The following PRDM15 variants were observed in gnomAD, a reference collection of about 807,000 sequenced individuals.
The protein encoded by PRDM15 is PR/SET domain 15, also known as PR domain zinc finger protein 15.
Under a neutral mutation model 128.6 loss-of-function variants are expected in PRDM15, and 64 were observed. The ratio of observed to expected loss-of-function variants is 0.50; its 90% CI spans 0.41 to 0.61. The LOEUF (loss-of-function observed/expected upper bound fraction) is 0.61. PRDM15 is among the 20% of genes least tolerant of loss of function. PRDM15 has a pLI of 0.00. For synonymous variants in PRDM15, 615 were observed against 621.8 expected, an observed-to-expected ratio of 0.99 and a Z score of 0.16; for missense variants, 1,242 against 1,569.1, an observed-to-expected ratio of 0.79 and a Z score of 3.52.
chr21:41,801,220 C>G lies in PRDM15; in HGVS notation c.*20G>C, dbSNP rs544583763. 1 of 1,508,032 alleles carries G rather than the reference C, an allele frequency of 6.6e-7. No homozygotes were observed. Among genetic ancestry groups the G allele is most frequent in the Non-Finnish European group, 8.8e-7 (1 of 1,133,044 alleles). 93.4% of individuals were successfully genotyped at this position (1,508,032 alleles called of 1,614,324 possible). On this transcript the variant is annotated 3_prime_UTR_variant, in exon 24 of 24. Coordinates refer to ENST00000398548, the MANE Select transcript of PRDM15 (RefSeq NM_001040424.3). ...AAACATCCCTCTGCAGTTCTTGCCC[C>G]GAGTCTCCCGGAACGCAGCTCAGTA...
At chr21:41,804,788 G>A in intron 21 of PRDM15, 174 bp from the exon 22 acceptor site, 4 of 537,854 alleles carry the variant, frequency 7.4e-6, no homozygotes, top group East Asian at 3.4e-5. Flanking sequence ...TCTGTGTCCA[G>A]AAGCCCAGGG....
chr21:41,836,701 A>G, intron 8 of PRDM15, 52 bp from the exon 9 acceptor site: 3 of 1,510,002 alleles, frequency 2.0e-6, no homozygotes, highest in Non-Finnish European at 1.8e-6. Context: ...AAAAAGTTCC[A>G]GGTTACAAGC....
chr21:41,824,922 G>A (rs1337643985), intron 13 of PRDM15, among the ~76,000 whole-genome samples: 1 of 152,280 alleles, frequency 6.6e-6, no homozygotes, highest in Non-Finnish European at 1.5e-5. Context: ...CGGGGACGGT[G>A]ACAGCGGGCC....
At chr21:41,830,514 C>A (rs2062650658) in intron 11 of PRDM15, among the ~76,000 whole-genome samples, 1 of 151,270 alleles carries the variant, frequency 6.6e-6, no homozygotes, top group Non-Finnish European at 1.5e-5. Context: ...ATACNCCACA[C>A]CAAATACACA....
chr21:41,830,479 ACT>A (rs1290261257), intron 11 of PRDM15, among the ~76,000 whole-genome samples: 1 of 151,558 alleles, frequency 6.6e-6, no homozygotes, highest in East Asian at 1.9e-4. Context: ...CCACACACAC[ACT>A]GAACACATAC....
chr21:41,808,538 G>A (rs933464303), intron 21 of PRDM15, among the ~76,000 whole-genome samples: 9 of 152,214 alleles, frequency 5.9e-5, no homozygotes, highest in African/African-American at 2.2e-4. Flanking sequence ...AATTCCAAAA[G>A]GAAGTCACTT....
In PRDM15 at chr21:41,800,607, G is replaced by A. The variant is rs1168900220; in HGVS notation, c.*633C>T. Reference sequence around the variant, plus strand: ...TGACCTCACGTGACCCCTTGCACATGATGACCGTGATGACCTCGAAGGTTG... The same window carrying A: ...TGACCTCACGTGACCCCTTGCACATAATGACCGTGATGACCTCGAAGGTTG... On this transcript the variant is annotated 3_prime_UTR_variant, in exon 24 of 24. Coordinates refer to ENST00000398548, the MANE Select transcript of PRDM15 (RefSeq NM_001040424.3). 6.6e-6 allele frequency: 1 copy of A among 152,186 alleles called. No individual in the cohort carries two copies. Among genetic ancestry groups the A allele is most frequent in the Non-Finnish European group, 1.5e-5 (1 of 68,042 alleles). 9.4% of individuals were successfully genotyped at this position (152,186 alleles called of 1,614,324 possible).
At chr21:41,806,042 C>T (rs1568879987) in intron 21 of PRDM15, among the ~76,000 whole-genome samples, 1 of 82,316 alleles carries the variant, frequency 1.2e-5, no homozygotes. Context: ...ATCACCACCA[C>T]CATCACCACC....
intron 5 of PRDM15, among the ~76,000 whole-genome samples, chr21:41,851,759 G>A (rs1206521973): frequency 6.6e-6 from 1 of 152,110 alleles, no homozygotes; most frequent in Non-Finnish European, 1.5e-5. Context: ...GGGAAGGAAG[G>A]ACCCAACCAG....
intron 5 of PRDM15, among the ~76,000 whole-genome samples, chr21:41,848,678 G>A (rs1211021339): frequency 6.6e-6 from 1 of 152,176 alleles, no homozygotes; most frequent in Non-Finnish European, 1.5e-5. Flanking sequence ...TGAATAAGGG[G>A]AATTTCTTCG....
intron 7 of PRDM15, among the ~76,000 whole-genome samples, chr21:41,839,202 A>T (rs980333417): frequency 2.0e-5 from 3 of 152,240 alleles, no homozygotes; most frequent in African/African-American, 7.2e-5. Context: ...ATCCAGGAGA[A>T]GGAGCCACAG....
chr21:41,832,073 C>T lies in PRDM15; in HGVS notation c.1366+3364G>A, dbSNP rs767194840. ...TGTCCTTCACACACTGCGTCTGAGG[C>T]GTGCGTGTTTACAGTGCTGGACGTT... On this transcript the variant is annotated intron_variant, in intron 11 of 23. Coordinates refer to ENST00000398548, the MANE Select transcript of PRDM15 (RefSeq NM_001040424.3). The surrounding 1 kb of genome is among the most constrained non-coding windows in gnomAD (Gnocchi z 4.2). 4.6e-5 allele frequency among the ~76,000 whole-genome samples: 7 copies of T among 152,226 alleles called. No individual in the cohort carries two copies. The highest frequency in any genetic ancestry group is 7.3e-5 in the Non-Finnish European group (5 of 68,034).
chr21:41,858,788 T>C (rs1193387887), intron 3 of PRDM15, among the ~76,000 whole-genome samples: 2 of 152,130 alleles, frequency 1.3e-5, no homozygotes, highest in African/African-American at 2.4e-5. Context: ...GGGGTTGATC[T>C]ACTGTCTACT....
intron 1 of PRDM15, among the ~76,000 whole-genome samples, chr21:41,873,511 C>T (rs1489203129): frequency 2.0e-5 from 3 of 152,164 alleles, no homozygotes; most frequent in Non-Finnish European, 4.4e-5. Flanking sequence ...CCTCCAGAAT[C>T]TTTCAGAATT....
In PRDM15 at chr21:41,878,275, T is replaced by A. The variant is rs541962200; in HGVS notation, c.-10+995A>T. Among the ~76,000 whole-genome samples the A allele has an allele frequency of 2.6e-5, 4 of 152,294 alleles. No homozygotes were observed. In the South Asian group the frequency reaches 8.3e-4, roughly 32 times the overall value. ...AAATACACACACAGGTCCACGTGTC[T>A]CTGATCACACACTTGTTTCTACCGT... On this transcript the variant is annotated intron_variant, in intron 1 of 23. Transcript: ENST00000398548.
At position 41,801,316 on chromosome 21, in the gene PRDM15, G is replaced by A. The variant is rs149697369; in HGVS notation, c.3350C>T (p.Pro1117Leu). Residue 1117 changes from proline (P) to leucine (L), a missense_variant, in exon 24 of 24, where the codon CCG becomes CTG. This residue lies in a region of PRDM15 where 602 missense variants were observed against 788.3 expected (regional missense o/e 0.76). Transcript: ENST00000398548. ...GGCCGCCTGCTGTGGGGGTGCCTGC[G>A]GCTGCGAGGGTGGCAAGACGTCAGT... Reference protein sequence around the residue: ...PQTDVLPPSQPQAPPQQAAQP... With the variant: ...PQTDVLPPSQLQAPPQQAAQP... 16 of 1,576,258 alleles carry A rather than the reference G, an allele frequency of 1.0e-5. No individual in the cohort carries two copies. The African/African-American group carries it at 1.2e-4, about 12-fold the overall frequency.
intron 1 of PRDM15, among the ~76,000 whole-genome samples, chr21:41,863,470 C>T (rs2063893716): frequency 6.6e-6 from 1 of 152,126 alleles, no homozygotes; most frequent in Admixed American, 6.6e-5. Flanking sequence ...ATGACTACTA[C>T]TACAAAAACT....
chr21:41,822,138 G>A (rs2062298633), intron 14 of PRDM15, 101 bp from the exon 15 acceptor site: 3 of 1,519,330 alleles, frequency 2.0e-6, no homozygotes, highest in Non-Finnish European at 9.0e-7. Flanking sequence ...AGATGCAGAA[G>A]AAAATGCCTC....
At chr21:41,835,747 C>T (rs939497874) in intron 10 of PRDM15, among the ~76,000 whole-genome samples, 2 of 151,862 alleles carry the variant, frequency 1.3e-5, no homozygotes, top group African/African-American at 4.8e-5. Context: ...AAGCACCAAA[C>T]ACCCCCATTC....
Sources: allele counts gnomAD v4.1 joint callset (sites outside exome capture counted in the v4.1 genomes callset), GRCh38; gene constraint gnomAD v4.1.1; regional missense constraint gnomAD v4.1.1; non-coding constraint Gnocchi (gnomAD v3.1); transcripts MANE v1.5; gene names NCBI Gene and HGNC (gene_info 2026-07-23, HGNC 2026-07-21).